Variants in BCAR3 observed in about 807,000 individuals in gnomAD.
The protein encoded by BCAR3 is breast cancer anti-estrogen resistance protein 3.
BCAR3 carries 37 observed loss-of-function variants against 80.1 expected under a neutral mutation model. The observed-to-expected ratio is 0.46, with a 90% CI of 0.36 to 0.61. The LOEUF is 0.61. BCAR3 is among the 20% of genes least tolerant of loss of function. The pLI is 0.00. For synonymous variants in BCAR3, 389 were observed against 418.9 expected, an observed-to-expected ratio of 0.93 and a Z score of 0.87; for missense variants, 978 against 1,068.2, an observed-to-expected ratio of 0.92 and a Z score of 1.18.
chr1:93,847,669 T>C (rs1655273963), upstream of BCAR3: 1 of 152,366 alleles, frequency 6.6e-6, no homozygotes, highest in Non-Finnish European at 1.5e-5. Context: ...AACGCTTTTT[T>C]CCCTCCCCCC....
At chr1:93,776,875 A>C (rs1204343700) in intron 2 of BCAR3, among the ~76,000 whole-genome samples, 3 of 152,166 alleles carry the variant, frequency 2.0e-5, no homozygotes, top group African/African-American at 4.8e-5. Context: ...TGTTCCCCAA[A>C]AGGATATGTT....
chr1:93,808,571 G>GAGAA (rs1178659119), intron 2 of BCAR3, among the ~76,000 whole-genome samples: 2 of 152,170 alleles, frequency 1.3e-5, no homozygotes, highest in African/African-American at 4.8e-5. Context: ...TCTGAACATT[G>GAGAA]AGAACAATGA....
At chr1:93,836,403 C>T (rs1010666339) in intron 2 of BCAR3, among the ~76,000 whole-genome samples, 1 of 151,398 alleles carries the variant, frequency 6.6e-6, no homozygotes, top group East Asian at 1.9e-4. Flanking sequence ...ATTTGGACCT[C>T]GTGTCTTCCA....
intron 3 of BCAR3, among the ~76,000 whole-genome samples, chr1:93,622,944 C>T (rs1316707173): frequency 6.6e-6 from 1 of 152,144 alleles, no homozygotes; most frequent in Admixed American, 6.5e-5. Flanking sequence ...AGAAACCCAT[C>T]TGGGTAACTA....
At chr1:93,701,673 C>T (rs1649648295) in intron 3 of BCAR3, among the ~76,000 whole-genome samples, 2 of 152,194 alleles carry the variant, frequency 1.3e-5, no homozygotes, top group Non-Finnish European at 2.9e-5. Flanking sequence ...CCCTCTTTGT[C>T]CCCACTCTGC....
chr1:93,760,596 T>C (rs1308211247), intron 2 of BCAR3, among the ~76,000 whole-genome samples: 1 of 129,006 alleles, frequency 7.8e-6, no homozygotes, highest in African/African-American at 2.9e-5. Context: ...TAAAAACCTA[T>C]ATAAATTAGC....
In BCAR3 at chr1:93,582,522, GTTCCCAAGGTCT is replaced by G. The variant is rs1469625137; in HGVS notation, c.1453_1464del (p.Arg485_Glu488del). On this transcript the variant is annotated inframe_deletion, in exon 7 of 12. Transcript: ENST00000260502. ...CCCTTCTCCATCTGAGCTGCCGCAG[GTTCCCAAGGTCT>G]TTCCCTGTCATCATCATCAAGGATC... The G allele has an allele frequency of 6.2e-7, 1 of 1,613,922 alleles. No individual in the cohort carries two copies. Among genetic ancestry groups the G allele is most frequent in the Non-Finnish European group, 8.5e-7 (1 of 1,179,944 alleles).
chr1:93,834,313 A>T (rs1011470938), intron 2 of BCAR3, among the ~76,000 whole-genome samples: 1 of 152,074 alleles, frequency 6.6e-6, no homozygotes, highest in African/African-American at 2.4e-5. Context: ...TTGCCTATCC[A>T]CCCTATGGTG....
At chr1:93,664,268 C>T (rs1270782549) in intron 2 of BCAR3, among the ~76,000 whole-genome samples, 1 of 152,186 alleles carries the variant, frequency 6.6e-6, no homozygotes, top group Non-Finnish European at 1.5e-5. Flanking sequence ...TACAGACATG[C>T]ACCACCACGC....
At chr1:93,726,604 T>C (rs1286824224) in intron 2 of BCAR3, among the ~76,000 whole-genome samples, 1 of 152,230 alleles carries the variant, frequency 6.6e-6, no homozygotes, top group Non-Finnish European at 1.5e-5. Flanking sequence ...AGTTATACTT[T>C]TCTCCACATA....
chr1:93,820,181 G>T (rs1654164300), intron 2 of BCAR3, among the ~76,000 whole-genome samples: 1 of 152,164 alleles, frequency 6.6e-6, no homozygotes, highest in African/African-American at 2.4e-5. Context: ...AATACCAAAA[G>T]AAAAACTAGT....
intron 2 of BCAR3, among the ~76,000 whole-genome samples, chr1:93,759,863 C>T (rs997691814): frequency 2.0e-5 from 3 of 152,138 alleles, no homozygotes; most frequent in Non-Finnish European, 4.4e-5. Flanking sequence ...CCATGGTCCA[C>T]GTGGACCATC....
intron 2 of BCAR3, among the ~76,000 whole-genome samples, chr1:93,766,727 C>A (rs557432350): frequency 6.6e-6 from 1 of 152,362 alleles, no homozygotes; most frequent in South Asian, 2.1e-4. Context: ...TCAGGATAAA[C>A]CGATTGTGCT....
At chr1:93,700,034 C>T (rs1649580140) in intron 3 of BCAR3, among the ~76,000 whole-genome samples, 1 of 152,090 alleles carries the variant, frequency 6.6e-6, no homozygotes, top group Admixed American at 6.5e-5. Flanking sequence ...CCTGGCCAGT[C>T]AAGGGCAGAG....
At chr1:93,637,262 C>G (rs1675815720) in intron 3 of BCAR3, among the ~76,000 whole-genome samples, 1 of 152,056 alleles carries the variant, frequency 6.6e-6, no homozygotes, top group African/African-American at 2.4e-5. Context: ...CTCCGCCCCC[C>G]AGGTTCAAGC....
intron 2 of BCAR3, among the ~76,000 whole-genome samples, chr1:93,749,886 C>CTTT (rs754541949): frequency 0.016 from 2,178 of 139,948 alleles, 48 homozygotes; most frequent in South Asian, 0.028. Context: ...ATGATCTTGA[C>CTTT]TTATTTTTTT....
intron 1 of BCAR3, among the ~76,000 whole-genome samples, chr1:93,846,583 C>A (rs867916411): frequency 1.4e-4 from 21 of 152,216 alleles, no homozygotes; most frequent in African/African-American, 4.8e-4. Context: ...TGGGCAGCGG[C>A]GCCAGGCCCG....
rs368621734 is a variant in BCAR3 at position 93,567,857 on chromosome 1, A to G, written c.1975-6T>C. 1.8e-5 allele frequency: 29 copies of G among 1,608,376 alleles called. No homozygotes were observed. In the East Asian group the frequency reaches 5.1e-4, roughly 28 times the overall value. ...GTCTTTTCTAACCTTGTGATCTGGA[A>G]GAAAGGTGGTGTTTTGGAAAAGGTT... On this transcript the variant is annotated splice_polypyrimidine_tract_variant and splice_region_variant and intron_variant, in intron 9 of 11. Coordinates refer to ENST00000260502, the MANE Select transcript of BCAR3 (RefSeq NM_003567.4).
intron 7 of BCAR3, among the ~76,000 whole-genome samples, chr1:93,580,452 C>T (rs1045845244): frequency 1.4e-4 from 21 of 151,868 alleles, no homozygotes; most frequent in Non-Finnish European, 2.8e-4. Context: ...TACAGTCAGC[C>T]CTCCTTATCC....
Sources: allele counts gnomAD v4.1 joint callset (sites outside exome capture counted in the v4.1 genomes callset), GRCh38; gene constraint gnomAD v4.1.1; transcripts MANE v1.5; gene names NCBI Gene and HGNC (gene_info 2026-07-23, HGNC 2026-07-21).